The following CNIH3 variants were observed in gnomAD, a reference collection of about 807,000 sequenced individuals.
CNIH3 encodes cornichon family AMPA receptor auxiliary protein 3.
Under a neutral mutation model 24.1 loss-of-function variants are expected in CNIH3, and 14 were observed. That is an observed-to-expected ratio of 0.58 (90% CI 0.38 to 0.91). The LOEUF (loss-of-function observed/expected upper bound fraction) is 0.91, where lower values mean the gene tolerates loss of function less well. Among genes scored for constraint, CNIH3 ranks in the 40% least tolerant of loss-of-function variants. The pLI, the probability that CNIH3 is intolerant of heterozygous loss-of-function variation, is 0.00. For synonymous variants in CNIH3, 68 were observed against 73.8 expected, an observed-to-expected ratio of 0.92 and a Z score of 0.40; for missense variants, 178 against 196.8, an observed-to-expected ratio of 0.90 and a Z score of 0.57.
chr1:224,574,855 TG>T, intron 4 of CNIH3: 1 of 963,594 alleles, frequency 1.0e-6, no homozygotes, highest in Non-Finnish European at 1.7e-6. Flanking sequence ...AGTAACATTC[TG>T]GACACATGGG....
In CNIH3 at chr1:224,730,651, A is replaced by G. The variant is rs551626773; in HGVS notation, c.311+77A>G. ...TGCTCTCCAGTGATGATGTCACCCA[A>G]ATAGACAGCTTCTATTGCCTTCCAA... On this transcript the variant is annotated intron_variant, in intron 4 of 5. Transcript: ENST00000272133. 36 of 830,176 alleles carry G rather than the reference A, an allele frequency of 4.3e-5. No homozygotes were observed. The African/African-American group carries it at 5.6e-4, about 13-fold the overall frequency. 51.4% of individuals were successfully genotyped at this position (830,176 alleles called of 1,614,324 possible).
chr1:224,512,770 A>G (rs1230178031), upstream of CNIH3, among the ~76,000 whole-genome samples: 1 of 152,062 alleles, frequency 6.6e-6, no homozygotes, highest in Non-Finnish European at 1.5e-5. Flanking sequence ...TGTCATGGGT[A>G]CGTGCCCTCC....
intron 3 of CNIH3, among the ~76,000 whole-genome samples, chr1:224,701,944 A>T (rs1164443004): frequency 6.6e-6 from 1 of 152,222 alleles, no homozygotes; most frequent in Non-Finnish European, 1.5e-5. Context: ...CAAAGTTGAT[A>T]TGAAGAAAAT....
intron 1 of CNIH3, among the ~76,000 whole-genome samples, chr1:224,641,295 A>G (rs1376647489): frequency 6.6e-6 from 1 of 152,192 alleles, no homozygotes; most frequent in Non-Finnish European, 1.5e-5. Flanking sequence ...CTCCTTGCCC[A>G]CCAGTCAATT....
chr1:224,638,119 G>A (rs1456370472), intron 1 of CNIH3, among the ~76,000 whole-genome samples: 1 of 152,236 alleles, frequency 6.6e-6, no homozygotes, highest in South Asian at 2.1e-4. Context: ...AACGCCTTGC[G>A]GCTGTGCATG....
intron 3 of CNIH3, among the ~76,000 whole-genome samples, chr1:224,562,840 G>A (rs1680427901): frequency 6.6e-6 from 1 of 152,132 alleles, no homozygotes; most frequent in Non-Finnish European, 1.5e-5. Flanking sequence ...GCAGATGCTG[G>A]CGCAGTTCCT....
chr1:224,448,610 G>A (rs772972666), intron 1 of CNIH3, among the ~76,000 whole-genome samples: 3 of 152,156 alleles, frequency 2.0e-5, no homozygotes, highest in Non-Finnish European at 1.5e-5. Flanking sequence ...ATAGTCATGC[G>A]TCCATGGTGA....
downstream of CNIH3, among the ~76,000 whole-genome samples, chr1:224,538,694 G>T (rs991287840): frequency 6.7e-6 from 1 of 148,630 alleles, no homozygotes. Context: ...AGGGTCTTGC[G>T]TGTTGCCCAG....
intron 3 of CNIH3, among the ~76,000 whole-genome samples, chr1:224,691,268 C>G (rs540780397): frequency 4.9e-4 from 74 of 152,266 alleles, no homozygotes; most frequent in African/African-American, 1.7e-3. Flanking sequence ...TGCAGCTGCA[C>G]AGGTCACAGG....
intron 3 of CNIH3, among the ~76,000 whole-genome samples, chr1:224,694,084 A>G (rs1229862235): frequency 6.6e-6 from 1 of 152,176 alleles, no homozygotes; most frequent in Non-Finnish European, 1.5e-5. Flanking sequence ...TCTGTGGAGG[A>G]GGAGAGGAGA....
At chr1:224,511,452 C>A (rs1241009046), upstream of CNIH3, among the ~76,000 whole-genome samples, 1 of 152,214 alleles carries the variant, frequency 6.6e-6, no homozygotes, top group African/African-American at 2.4e-5. Flanking sequence ...CATAGTCAGA[C>A]CCGCATGTGA....
chr1:224,518,192 C>T (rs1427645389), intron 1 of CNIH3, among the ~76,000 whole-genome samples: 1 of 152,170 alleles, frequency 6.6e-6, no homozygotes. Context: ...GATTCATGAA[C>T]CTCGTACTTT....
chr1:224,526,013 G>T (rs1004256857), intron 2 of CNIH3, among the ~76,000 whole-genome samples: 11 of 152,110 alleles, frequency 7.2e-5, no homozygotes, highest in African/African-American at 2.2e-4. Flanking sequence ...AGCTCTGCGG[G>T]GTTCTCTCTC....
At chr1:224,729,500 T>TATTC (rs946315213) in intron 3 of CNIH3, among the ~76,000 whole-genome samples, 5 of 148,690 alleles carry the variant, frequency 3.4e-5, no homozygotes, top group African/African-American at 9.9e-5. Flanking sequence ...AAGAACAAAG[T>TATTC]ATTCATGAGA....
At chr1:224,642,022 T>C (rs1684384705) in intron 1 of CNIH3, among the ~76,000 whole-genome samples, 2 of 152,188 alleles carry the variant, frequency 1.3e-5, no homozygotes, top group Admixed American at 6.5e-5. Context: ...TTCCTGCCCT[T>C]AGGATTCTGG....
chr1:224,660,528 A>G (rs200079079), intron 1 of CNIH3, among the ~76,000 whole-genome samples: 1 of 152,020 alleles, frequency 6.6e-6, no homozygotes, highest in African/African-American at 2.4e-5. Flanking sequence ...TTTTCAGGAA[A>G]AATGCACTGA....
upstream of CNIH3, among the ~76,000 whole-genome samples, chr1:224,512,075 T>C (rs927079232): frequency 9.9e-5 from 15 of 151,910 alleles, no homozygotes; most frequent in Admixed American, 3.3e-4. Flanking sequence ...CTAGGGAGGC[T>C]GAGGCAGGAG....
chr1:224,552,181 A>G (rs776077088), intron 3 of CNIH3, among the ~76,000 whole-genome samples: 1 of 151,488 alleles, frequency 6.6e-6, no homozygotes, highest in African/African-American at 2.4e-5. Context: ...TATTAGGAGT[A>G]ATCTGTCTCC....
intron 1 of CNIH3, among the ~76,000 whole-genome samples, chr1:224,619,306 G>T (rs543669439): frequency 6.6e-6 from 1 of 152,324 alleles, no homozygotes; most frequent in African/African-American, 2.4e-5. Flanking sequence ...TCCAGCACTG[G>T]CTCTATCCTC....
Sources: gnomAD v4.1 joint callset for allele counts (sites outside exome capture counted in the v4.1 genomes callset) on GRCh38, gnomAD v4.1.1 for gene constraint, MANE v1.5 for transcripts, NCBI Gene and HGNC (gene_info 2026-07-23, HGNC 2026-07-21) for gene names.